Variants in MSN observed in about 807,000 individuals in gnomAD.
MSN encodes the protein epididymis luminal protein 70.
Under a neutral mutation model 48.0 loss-of-function variants are expected in MSN, and 2 were observed. That is an observed-to-expected ratio of 0.04 (90% CI 0.02 to 0.13). The LOEUF is 0.13. MSN is among the 10% of genes least tolerant of loss of function. The probability of loss-of-function intolerance (pLI) is 1.00; values close to 1 mark genes in which losing one functional copy is unlikely to be tolerated. For missense variants in MSN, 267 were observed against 470.1 expected (o/e 0.57, Z 3.99); for synonymous variants, 146 against 166.9 (o/e 0.87, Z 0.97).
At chrX:65,730,760 G>A (rs748562469) in intron 4 of MSN, among the ~76,000 whole-genome samples, 1 of 110,763 alleles carries the variant, frequency 9.0e-6, no homozygotes, top group Admixed American at 9.6e-5. Flanking sequence ...GACTCCATGA[G>A]GTCCATCCCT....
At chrX:65,631,812 C>T (rs1337408361) in intron 1 of MSN, among the ~76,000 whole-genome samples, 1 of 111,405 alleles carries the variant, frequency 9.0e-6, no homozygotes, top group Non-Finnish European at 1.9e-5. Context: ...GTAGCTGGGA[C>T]AAGCATGTGC....
At chrX:65,691,988 A>G (rs1240535059) in intron 1 of MSN, among the ~76,000 whole-genome samples, 1 of 112,188 alleles carries the variant, frequency 8.9e-6, no homozygotes, top group Admixed American at 9.4e-5. Context: ...AATGGAGGTC[A>G]TTAGCCGTGG....
intron 1 of MSN, chrX:65,625,900 T>A (rs1186353971): frequency 9.0e-6 from 1 of 110,838 alleles, no homozygotes; most frequent in African/African-American, 3.3e-5. Context: ...CTGATTTTCA[T>A]TAGTACCTTG....
intron 1 of MSN, chrX:65,625,625 T>C (rs1000723830): frequency 5.4e-5 from 6 of 112,016 alleles, no homozygotes; most frequent in Non-Finnish European, 5.6e-5. Context: ...TTTTTCTCCA[T>C]CCTTTTATGT....
In MSN at chrX:65,708,761, C is replaced by T. The variant is rs756344294; in HGVS notation, c.13-8057C>T. ...GCAGTGGCATGATCTTGGCTCACTGCAACCTCCGCCTCTCGGGTTCAAGAG... is the reference window on the plus strand; with the variant it reads ...GCAGTGGCATGATCTTGGCTCACTGTAACCTCCGCCTCTCGGGTTCAAGAG... On this transcript the variant is annotated intron_variant, in intron 1 of 12. Transcript: ENST00000360270. 5.4e-5 allele frequency among the ~76,000 whole-genome samples: 6 copies of T among 111,457 alleles called. No homozygotes were observed. In the South Asian group the frequency reaches 1.9e-3, roughly 35 times the overall value.
At chrX:65,605,496 C>A (rs979577080) in intron 1 of MSN, among the ~76,000 whole-genome samples, 4 of 112,175 alleles carry the variant, frequency 3.6e-5, no homozygotes, top group Non-Finnish European at 7.5e-5. Flanking sequence ...CCCTTGCCCC[C>A]TACAACCCAT....
intron 1 of MSN, among the ~76,000 whole-genome samples, chrX:65,627,136 G>GT (rs748257608): frequency 9.1e-6 from 1 of 110,302 alleles, no homozygotes; most frequent in Non-Finnish European, 1.9e-5. Context: ...GTTTCTGCTT[G>GT]TTTTTTGATA....
At position 65,727,805 on chromosome X, in the gene MSN, C is replaced by T; in HGVS notation, c.97-9C>T. 8.3e-7 allele frequency: 1 copy of T among 1,202,128 alleles called. No individual in the cohort carries two copies. The highest frequency in any genetic ancestry group is 1.8e-5 in the South Asian group (1 of 56,522). ...ATCAATGGTTGGTTGTTTTGGTTTT[C>T]TCTTCTAGGTGGTGAAAACTATTGG... On this transcript the variant is annotated splice_polypyrimidine_tract_variant and intron_variant, in intron 2 of 12. Transcript: ENST00000360270.
chrX:65,667,017 A>C (rs2070877985), upstream of MSN, among the ~76,000 whole-genome samples: 1 of 112,149 alleles, frequency 8.9e-6, no homozygotes, highest in Admixed American at 9.4e-5. Context: ...AAGGAAAGAT[A>C]AATGAGGACT....
rs200284989 is a variant in MSN, at chrX:65,716,828, G to A, written c.23G>A (p.Arg8His). ...TTGATCTCATCCTAGATCAGTGTGC[G>A]TGTGACCACCATGGATGCAGAGCTG... The part of the protein sequence containing the change: MPKTISV[R>H]VTTMDAELEF... The change falls in exon 2 of 13, where the codon CGT becomes CAT. Residue 8 changes from arginine to histidine, a missense_variant. Physicochemically the swap from Arg to His is conservative, Grantham distance 29 (BLOSUM62 0). Around this residue, in one of 5 missense-constraint regions of MSN, gnomAD observed 89 missense variants for 151.0 expected, o/e 0.59. Transcript: ENST00000360270. 2.2e-5 allele frequency: 26 copies of A among 1,206,923 alleles called. No individual in the cohort carries two copies. The highest frequency in any genetic ancestry group is 3.5e-5 in the African/African-American group (2 of 56,423).
chrX:65,618,640 T>A (rs372496413), intron 1 of MSN, among the ~76,000 whole-genome samples: 140 of 108,427 alleles, frequency 1.3e-3, no homozygotes, highest in African/African-American at 3.8e-3. Context: ...CAGCACACTG[T>A]TGGGTCTTGA....
chrX:65,637,209 C>A (rs1306109578), intron 1 of MSN, among the ~76,000 whole-genome samples: 1 of 109,864 alleles, frequency 9.1e-6, no homozygotes, highest in African/African-American at 3.3e-5. Flanking sequence ...TCGAGACCAG[C>A]GTGACCAACA....
intron 7 of MSN, among the ~76,000 whole-genome samples, chrX:65,734,642 G>T (rs903683763): frequency 3.6e-5 from 4 of 112,030 alleles, no homozygotes; most frequent in Non-Finnish European, 7.5e-5. Flanking sequence ...TTGCTGCTGT[G>T]CTCAACTATT....
At chrX:65,677,137 A>G (rs1309287635) in intron 1 of MSN, among the ~76,000 whole-genome samples, 2 of 110,703 alleles carry the variant, frequency 1.8e-5, no homozygotes, top group Non-Finnish European at 3.8e-5. Flanking sequence ...TGATCCATTT[A>G]TTTTTTCAGA....
chrX:65,725,847 T>C (rs2071562872), intron 2 of MSN, among the ~76,000 whole-genome samples: 1 of 112,097 alleles, frequency 8.9e-6, no homozygotes, highest in Non-Finnish European at 1.9e-5. Context: ...GGGATTGTTT[T>C]TATTAACCAT....
At chrX:65,613,246 G>C (rs981230500) in intron 1 of MSN, among the ~76,000 whole-genome samples, 6 of 114,441 alleles carry the variant, frequency 5.2e-5, no homozygotes, top group Non-Finnish European at 9.3e-5. Context: ...TTGTGTATAT[G>C]TGCCATGTTT....
At chrX:65,682,285 C>A (rs2071064178) in intron 1 of MSN, among the ~76,000 whole-genome samples, 1 of 112,035 alleles carries the variant, frequency 8.9e-6, no homozygotes, top group Non-Finnish European at 1.9e-5. Flanking sequence ...TCATGAAGAA[C>A]CATCTAAGCC....
At chrX:65,606,649 G>A (rs1394414028) in intron 1 of MSN, among the ~76,000 whole-genome samples, 1 of 111,926 alleles carries the variant, frequency 8.9e-6, no homozygotes, top group African/African-American at 3.2e-5. Context: ...TCAAACTCCT[G>A]AACTCAAGCA....
chrX:65,729,751 G>C (rs375129942), intron 4 of MSN, 39 bp downstream of exon 4: 4 of 1,182,579 alleles, frequency 3.4e-6, no homozygotes, highest in Non-Finnish European at 4.6e-6. Context: ...TTGGCCATAA[G>C]GGGCTGCAGC....
Sources: gnomAD v4.1 joint callset for allele counts (sites outside exome capture counted in the v4.1 genomes callset) on GRCh38, gnomAD v4.1.1 for gene constraint, gnomAD v4.1.1 regional missense constraint, MANE v1.5 for transcripts, NCBI Gene and HGNC (gene_info 2026-07-23, HGNC 2026-07-21) for gene names.